TICRR: variants seen among roughly 807,000 people sequenced by gnomAD.
TICRR encodes TOPBP1 interacting checkpoint and replication regulator.
TICRR carries 132 observed loss-of-function variants against 178.1 expected under a neutral mutation model. That is an observed-to-expected ratio of 0.74 (90% CI 0.64 to 0.86). The LOEUF is 0.86. Among genes scored for constraint, TICRR ranks in the 40% least tolerant of loss-of-function variants. The probability of loss-of-function intolerance (pLI) is 0.00; values close to 1 mark genes in which losing one functional copy is unlikely to be tolerated. For synonymous variants in TICRR, 991 were observed against 900.7 expected (o/e 1.10, Z -1.79); for missense variants, 2,587 against 2,334.3 (o/e 1.11, Z -2.23).
In TICRR at chr15:89,585,885, G is replaced by A; in HGVS notation, c.1354G>A (p.Val452Ile). Residue 452 changes from valine to isoleucine, a missense_variant, in exon 4 of 22, where the codon GTT becomes ATT. Physicochemically the swap from Val to Ile is conservative, Grantham distance 29. Transcript: ENST00000268138. Reference sequence around the variant, plus strand: ...GGACACAGCTTCCCTTTTCTCAGATGTTGTGGATAGTATATTGAATCAGAC... The same window carrying A: ...GGACACAGCTTCCCTTTTCTCAGATATTGTGGATAGTATATTGAATCAGAC... ...PRDTASLFSDVVDSILNQTHD... is the reference protein window; with the variant it reads ...PRDTASLFSDIVDSILNQTHD... 6.2e-7 allele frequency: 1 copy of A among 1,614,204 alleles called. No individual in the cohort carries two copies. The highest frequency in any genetic ancestry group is 8.5e-7 in the Non-Finnish European group (1 of 1,180,046).
rs1338739510 is a variant in TICRR at position 89,621,258 on chromosome 15, C to T, written c.3155-135C>T. ...CTGGTCTCGAACTCCTGACCTCAGA[C>T]CATCCACCTGTCTCGGCCTCCCAAA... On this transcript the variant is annotated intron_variant, in intron 18 of 21. Transcript: ENST00000268138. 3 of 762,468 alleles carry T rather than the reference C, an allele frequency of 3.9e-6. No homozygotes were observed. The African/African-American group carries it at 5.6e-5, about 14-fold the overall frequency. 47.2% of individuals were successfully genotyped at this position (762,468 alleles called of 1,614,324 possible). A position where few individuals can be genotyped will look rare whatever the true frequency, so the allele number is the denominator to read the frequency against.
At chr15:89,609,106 T>A in intron 15 of TICRR, 157 bp downstream of exon 15, 12 of 243,596 alleles carry the variant, frequency 4.9e-5, no homozygotes, top group Admixed American at 7.1e-5. Flanking sequence ...TAATCTTTTT[T>A]TTTTTTTTTT....
At chr15:89,588,732 A>T (rs888106038) in intron 4 of TICRR, among the ~76,000 whole-genome samples, 2 of 152,030 alleles carry the variant, frequency 1.3e-5, no homozygotes, top group African/African-American at 2.4e-5. Flanking sequence ...GGTAGCATCA[A>T]ATGTGTGTAT....
chr15:89,615,452 G>A (rs186092095), intron 15 of TICRR, among the ~76,000 whole-genome samples: 9 of 152,282 alleles, frequency 5.9e-5, no homozygotes, highest in Admixed American at 5.9e-4. Flanking sequence ...CAGGGACTAA[G>A]GCAAGTTAAA....
chr15:89,627,697 T>A lies in TICRR; in HGVS notation c.*611T>A, dbSNP rs1258199964. ...GGAGCAGCCACATTTTCAAGGACTGTCCAAGAGCCAGCCAGTTCAGGGCTC... is the reference window on the plus strand; with the variant it reads ...GGAGCAGCCACATTTTCAAGGACTGACCAAGAGCCAGCCAGTTCAGGGCTC... On this transcript the variant is annotated 3_prime_UTR_variant, in exon 22 of 22. Transcript: ENST00000268138. 34 of 153,484 alleles carry A rather than the reference T, an allele frequency of 2.2e-4. No homozygotes were observed. Among genetic ancestry groups the A allele is most frequent in the Admixed American group, 2.2e-3 (34 of 15,512 alleles). 9.5% of individuals were successfully genotyped at this position (153,484 alleles called of 1,614,324 possible).
At chr15:89,586,300 G>A (rs2141955142) in intron 4 of TICRR, among the ~76,000 whole-genome samples, 1 of 152,134 alleles carries the variant, frequency 6.6e-6, no homozygotes, top group East Asian at 1.9e-4. Context: ...AATAAGGTTT[G>A]TATCATGTTA....
intron 1 of TICRR, 103 bp from the exon 2 acceptor site, chr15:89,582,583 C>A: frequency 9.5e-7 from 1 of 1,054,604 alleles, no homozygotes; most frequent in Non-Finnish European, 1.4e-6. Flanking sequence ...GTAATTCGAT[C>A]CTTTAATATT....
chr15:89,587,989 C>T (rs577043441), intron 4 of TICRR, among the ~76,000 whole-genome samples: 296 of 152,126 alleles, frequency 1.9e-3, no homozygotes, highest in African/African-American at 6.5e-3. Flanking sequence ...AGTTAGAGGG[C>T]TTTGAGGAAG....
intron 1 of TICRR, among the ~76,000 whole-genome samples, chr15:89,580,434 G>GA (rs1233467009): frequency 6.6e-6 from 1 of 152,188 alleles, no homozygotes; most frequent in Non-Finnish European, 1.5e-5. Context: ...CCATTTGGCA[G>GA]AAAATCCTAA....
intron 15 of TICRR, among the ~76,000 whole-genome samples, chr15:89,609,584 C>T (rs1387670557): frequency 6.6e-6 from 1 of 152,142 alleles, no homozygotes; most frequent in Non-Finnish European, 1.5e-5. Context: ...AAGCGCTTCT[C>T]CTACCTCAGC....
In TICRR at chr15:89,625,410, C is replaced by G; in HGVS notation, c.5100C>G (p.Ser1700=). The change falls in exon 20 of 22, where the codon TCC becomes TCG. Residue 1700 remains serine, a synonymous_variant. Transcript: ENST00000268138. Reference sequence around the variant, plus strand: ...TGGGCTGTGGCGCCGGCTCCTCTTCCGGGAGGGGCGAGGTCGGTGCAGACC... The same window carrying G: ...TGGGCTGTGGCGCCGGCTCCTCTTCGGGGAGGGGCGAGGTCGGTGCAGACC... The part of the protein sequence containing the change: ...RAVGCGAGSS[S]GRGEVGADLP... 6.2e-7 allele frequency: 1 copy of G among 1,613,930 alleles called. No individual in the cohort carries two copies. Among genetic ancestry groups the G allele is most frequent in the Non-Finnish European group, 8.5e-7 (1 of 1,179,986 alleles).
At position 89,616,398 on chromosome 15, in the gene TICRR, AT is replaced by A. The variant is rs1287505260; in HGVS notation, c.2870-3del. The A allele has an allele frequency of 6.2e-7, 1 of 1,612,732 alleles. No individual in the cohort carries two copies. Among genetic ancestry groups the A allele is most frequent in the Admixed American group, 1.7e-5 (1 of 60,016 alleles). ...AATTTATGATTTAAGCTGTGTTTAC[AT>A]TTTAGGTTATCACAAACTGCTGACT... On this transcript the variant is annotated splice_region_variant and splice_polypyrimidine_tract_variant and intron_variant, in intron 15 of 21. Transcript: ENST00000268138.
At chr15:89,590,917 A>G (rs2141957947) in intron 4 of TICRR, among the ~76,000 whole-genome samples, 1 of 152,158 alleles carries the variant, frequency 6.6e-6, no homozygotes, top group African/African-American at 2.4e-5. Context: ...TCTTAGATGG[A>G]TCTCTCAGAA....
At chr15:89,621,597 C>G (rs1419653488) in intron 19 of TICRR, 47 bp downstream of exon 19, 48 of 1,513,002 alleles carry the variant, frequency 3.2e-5, no homozygotes, top group Non-Finnish European at 4.0e-5. Context: ...TCCTGGAACA[C>G]AGAGACATGG....
At chr15:89,614,147 C>CT (rs1963298428) in intron 15 of TICRR, among the ~76,000 whole-genome samples, 1 of 151,968 alleles carries the variant, frequency 6.6e-6, no homozygotes. Flanking sequence ...GAGCGAGACT[C>CT]TGTCTCAAAA....
chr15:89,618,721 G>A (rs976021744), intron 17 of TICRR, among the ~76,000 whole-genome samples: 3 of 152,222 alleles, frequency 2.0e-5, no homozygotes, highest in Admixed American at 6.5e-5. Flanking sequence ...AGCACTTTGG[G>A]AAGCCAAGTG....
At chr15:89,592,256 C>A in intron 5 of TICRR, 80 bp downstream of exon 5, 2 of 1,252,652 alleles carry the variant, frequency 1.6e-6, no homozygotes, top group Non-Finnish European at 2.3e-6. Flanking sequence ...TAACAGACCA[C>A]ATTCTCTGAG....
Position 89,578,670 on chromosome 15 carries a change from G to T in TICRR, c.654+2430G>T, listed in dbSNP as rs867533647. On this transcript the variant is annotated intron_variant, in intron 1 of 21. Coordinates refer to ENST00000268138, the MANE Select transcript of TICRR (RefSeq NM_152259.4). ...AATCTCTCTCTCTCTTTTTTTTTTT[G>T]AATAGCATTGAAATAAGTGGGTTGA... is the stretch of plus-strand genomic sequence containing the variant. Among the ~76,000 whole-genome samples the T allele has an allele frequency of 5.7e-3, 723 of 127,614 alleles. 10 individuals are homozygous for T. The highest frequency in any genetic ancestry group is 0.021 in the African/African-American group (655 of 30,482). 83.7% of individuals were successfully genotyped at this position (127,614 alleles called of 152,430 possible).
In TICRR at chr15:89,594,452, T is replaced by C. The variant is rs374126790; in HGVS notation, c.1579T>C (p.Ser527Pro). 3 of 1,613,076 alleles carry C rather than the reference T, an allele frequency of 1.9e-6. No homozygotes were observed. Among genetic ancestry groups the C allele is most frequent in the South Asian group, 2.2e-5 (2 of 90,942 alleles). Residue 527 changes from serine (S) to proline (P), a missense_variant, in exon 6 of 22, where the codon TCC becomes CCC. Coordinates refer to ENST00000268138, the MANE Select transcript of TICRR (RefSeq NM_152259.4). The part of the protein sequence containing the change: ...QAASANKEES[S>P]KTEGELIHCL... ...TGCCTCAGCTAATAAGGAAGAGTCT[T>C]CCAAAACTGAAGGCGAATTAATACA...
Sources: gnomAD v4.1 joint callset for allele counts (sites outside exome capture counted in the v4.1 genomes callset) on GRCh38, gnomAD v4.1.1 for gene constraint, MANE v1.5 for transcripts, NCBI Gene and HGNC (gene_info 2026-07-23, HGNC 2026-07-21) for gene names.